Variants in RP1 observed in about 807,000 individuals in gnomAD.
RP1 encodes RP1 axonemal microtubule associated, also known as oxygen-regulated protein 1.
RP1 carries 16 observed loss-of-function variants against 14.8 expected under a neutral mutation model. The observed-to-expected ratio is 1.08, with a 90% CI of 0.73 to 1.65. RP1 has a LOEUF of 1.65. Among genes scored for constraint, RP1 ranks in the 40% most tolerant of loss-of-function variants. RP1 has a pLI of 0.00. For synonymous variants in RP1, 876 were observed against 883.6 expected (o/e 0.99, Z 0.15); for missense variants, 2,631 against 2,535.0 (o/e 1.04, Z -0.81).
chr8:54,786,035 T>C (rs903347998), intron 24 of RP1, among the ~76,000 whole-genome samples: 4 of 152,078 alleles, frequency 2.6e-5, no homozygotes, highest in Admixed American at 6.6e-5. Context: ...AGCCCCAAGA[T>C]AACAAATAAA....
chr8:54,734,801 T>G, intron 18 of RP1: 10 of 1,427,094 alleles, frequency 7.0e-6, no homozygotes, highest in Non-Finnish European at 9.3e-6. Context: ...ATTTCTGTAA[T>G]GTAGAAGTGT....
At chr8:54,814,163 A>G (rs985369608) in intron 24 of RP1, among the ~76,000 whole-genome samples, 1 of 152,096 alleles carries the variant, frequency 6.6e-6, no homozygotes, top group Non-Finnish European at 1.5e-5. Context: ...TTAACTTTTG[A>G]CTTGGTTTTG....
chr8:54,827,324 T>A (rs567111960), intron 24 of RP1, among the ~76,000 whole-genome samples: 9 of 141,238 alleles, frequency 6.4e-5, no homozygotes, highest in Non-Finnish European at 7.9e-5. Flanking sequence ...ATTTTCTTTA[T>A]AGTGTATTTT....
chr8:54,828,639 T>G (rs1202734331), intron 24 of RP1, among the ~76,000 whole-genome samples: 1 of 152,104 alleles, frequency 6.6e-6, no homozygotes, highest in Non-Finnish European at 1.5e-5. Flanking sequence ...AGGTATTCCT[T>G]TATAACAACA....
chr8:54,700,569 A>G (rs984129705), intron 13 of RP1, among the ~76,000 whole-genome samples: 1 of 152,138 alleles, frequency 6.6e-6, no homozygotes, highest in African/African-American at 2.4e-5. Flanking sequence ...TGGTCATAGT[A>G]TATGCTTAAG....
chr8:54,628,837 G>A lies in RP1; in HGVS notation c.4955G>A (p.Arg1652His), dbSNP rs760740229. The change falls in exon 4 of 4, where the codon CGC (arginine) becomes CAC (histidine). Residue 1652 changes from arginine (R) to histidine (H), a missense_variant. Physicochemically the swap from Arg to His is conservative, Grantham distance 29. Coordinates refer to ENST00000220676, the MANE Select transcript of RP1 (RefSeq NM_006269.2). Reference sequence around the variant, plus strand: ...CCATCTTTTTTTCCTGGGTCTACCCGCAAATCTCAGGTTTGTCCTTATAAT... The same window carrying A: ...CCATCTTTTTTTCCTGGGTCTACCCACAAATCTCAGGTTTGTCCTTATAAT... ...IKPSFFPGST[R>H]KSQVCPYNSV... 18 of 1,614,062 alleles carry A rather than the reference G, an allele frequency of 1.1e-5. No individual in the cohort carries two copies. The highest frequency in any genetic ancestry group is 4.4e-5 in the South Asian group (4 of 91,076).
intron 19 of RP1, among the ~76,000 whole-genome samples, chr8:54,745,332 G>T (rs1809196072): frequency 6.6e-6 from 1 of 152,186 alleles, no homozygotes; most frequent in African/African-American, 2.4e-5. Context: ...ACCTGACCTA[G>T]ATGTTATATT....
intron 24 of RP1, among the ~76,000 whole-genome samples, chr8:54,786,209 G>C (rs1450551416): frequency 6.6e-6 from 1 of 151,868 alleles, no homozygotes; most frequent in Admixed American, 6.6e-5. Context: ...CTCTATTTTT[G>C]TTTATCTAGG....
At chr8:54,805,167 CAG>C (rs1309531499) in intron 24 of RP1, among the ~76,000 whole-genome samples, 1 of 152,186 alleles carries the variant, frequency 6.6e-6, no homozygotes, top group Non-Finnish European at 1.5e-5. Context: ...TCATCCTGGA[CAG>C]AGAGTTTTTA....
At chr8:54,687,537 A>T (rs1016828328) in intron 12 of RP1, among the ~76,000 whole-genome samples, 1 of 151,714 alleles carries the variant, frequency 6.6e-6, no homozygotes, top group Non-Finnish European at 1.5e-5. Context: ...TTCGACTCCC[A>T]CTTATGAGTG....
At position 54,859,348 on chromosome 8, in the gene RP1, CCCT is replaced by C. The variant is rs1812285675; in HGVS notation, c.4069+2243_4069+2245del. 2.4e-4 allele frequency among the ~76,000 whole-genome samples: 35 copies of C among 148,002 alleles called. 1 individual carries two copies. On this transcript the variant is annotated intron_variant, in intron 27 of 28. Transcript: ENST00000637698. The stretch of plus-strand genomic sequence containing the variant: ...AGGTGGTGTCACTGTAGGGTGGTGT[CCCT>C]GTGGAGTGTGTCACTGTGGAGCATT...
rs144293929 is a variant in RP1 at position 54,621,245 on chromosome 8, G to T, written c.279G>T (p.Thr93=). The stretch of plus-strand genomic sequence containing the variant: ...CCCCTCGGGGCAGGCACAGCATCAC[G>T]CGCCTGGAGGAGCTGGAGGACGGCG... ...ISTPRGRHSI[T]RLEELEDGES... is the part of the protein sequence containing the mutation. Residue 93 remains threonine, a synonymous_variant, in exon 2 of 4, where the codon ACG becomes ACT. Coordinates refer to ENST00000220676, the MANE Select transcript of RP1 (RefSeq NM_006269.2). 3,342 of 1,614,122 alleles carry T rather than the reference G, an allele frequency of 2.1e-3. 7 individuals are homozygous for T. The highest frequency in any genetic ancestry group is 2.2e-3 in the Non-Finnish European group (2,556 of 1,180,026).
chr8:54,782,985 T>C (rs1810226148), intron 23 of RP1, among the ~76,000 whole-genome samples: 1 of 152,142 alleles, frequency 6.6e-6, no homozygotes, highest in African/African-American at 2.4e-5. Context: ...ATTTATGCAG[T>C]ACAGCATTTT....
At chr8:54,687,359 G>C (rs371288701) in intron 12 of RP1, among the ~76,000 whole-genome samples, 1 of 152,002 alleles carries the variant, frequency 6.6e-6, no homozygotes, top group African/African-American at 2.4e-5. Context: ...TGTGCAGAAC[G>C]TGCAGGTTTG....
At chr8:54,839,258 T>G (rs1811737113) in intron 25 of RP1, among the ~76,000 whole-genome samples, 1 of 152,228 alleles carries the variant, frequency 6.6e-6, no homozygotes, top group African/African-American at 2.4e-5. Flanking sequence ...TGACACATTT[T>G]CATCTTCAGT....
rs533788770 is a variant in RP1, at chr8:54,645,450, T to A, written c.788-3535T>A. Among the ~76,000 whole-genome samples, 81 of 152,322 alleles carry A rather than the reference T, an allele frequency of 5.3e-4. 1 individual carries two copies. Among genetic ancestry groups the A allele is most frequent in the East Asian group, 9.6e-4 (5 of 5,182 alleles). On this transcript the variant is annotated intron_variant, in intron 3 of 22. Coordinates refer to the RP1 transcript ENST00000636932. ...TATCTCATTGTGGTTTTAGCTTATT[T>A]ACATTTCTCTAATGAGGAATGATCC...
chr8:54,568,569 C>A (rs916032080), intron 1 of RP1, among the ~76,000 whole-genome samples: 1 of 152,194 alleles, frequency 6.6e-6, no homozygotes, highest in African/African-American at 2.4e-5. Flanking sequence ...AGACAGAATG[C>A]TGACATAAGT....
At chr8:54,820,586 G>A (rs934990530) in intron 24 of RP1, among the ~76,000 whole-genome samples, 7 of 152,110 alleles carry the variant, frequency 4.6e-5, no homozygotes, top group Admixed American at 1.3e-4. Context: ...CCATGGCAGA[G>A]TCTCACAGTC....
chr8:54,783,828 C>A, intron 24 of RP1: 3 of 628,850 alleles, frequency 4.8e-6, no homozygotes, highest in Non-Finnish European at 6.8e-6. Flanking sequence ...ATTAAATTTG[C>A]TTGGTGTATG....
Sources: allele counts gnomAD v4.1 joint callset (sites outside exome capture counted in the v4.1 genomes callset), GRCh38; gene constraint gnomAD v4.1.1; transcripts MANE v1.5; gene names NCBI Gene and HGNC (gene_info 2026-07-23, HGNC 2026-07-21).